FAF1: variants seen among roughly 807,000 people sequenced by gnomAD.
The protein encoded by FAF1 is Fas associated factor 1, also known as FAS-associated factor 1.
A neutral mutation model predicts 92.5 loss-of-function variants in FAF1; 25 were observed. The ratio of observed to expected loss-of-function variants is 0.27; its 90% CI spans 0.20 to 0.38. The LOEUF (loss-of-function observed/expected upper bound fraction) is 0.38, where lower values mean the gene tolerates loss of function less well. FAF1 is among the 10% of genes least tolerant of loss of function. FAF1 has a pLI of 1.00. For synonymous variants in FAF1, 234 were observed against 273.2 expected, an observed-to-expected ratio of 0.86 and a Z score of 1.42; for missense variants, 636 against 793.3, an observed-to-expected ratio of 0.80 and a Z score of 2.38.
chr1:50,873,447 C>T (rs921345860), intron 1 of FAF1, among the ~76,000 whole-genome samples: 10 of 152,126 alleles, frequency 6.6e-5, no homozygotes, highest in Non-Finnish European at 1.3e-4. Flanking sequence ...GAAATGTACA[C>T]GCCAGGCTTT....
chr1:50,809,366 C>T (rs1662332704), intron 2 of FAF1, among the ~76,000 whole-genome samples: 1 of 151,824 alleles, frequency 6.6e-6, no homozygotes, highest in Non-Finnish European at 1.5e-5. Context: ...TAATAACTAG[C>T]TAGACTAATG....
intron 1 of FAF1, among the ~76,000 whole-genome samples, chr1:50,917,629 GAAA>G (rs1570137956): frequency 9.8e-5 from 2 of 20,420 alleles, no homozygotes; most frequent in East Asian, 0.019. Context: ...AAGGAAAAAG[GAAA>G]GGAAAGGAAA....
At chr1:50,836,927 C>G (rs1191515824) in intron 2 of FAF1, among the ~76,000 whole-genome samples, 3 of 143,012 alleles carry the variant, frequency 2.1e-5, no homozygotes, top group Non-Finnish European at 3.0e-5. Context: ...TTCCAATTGT[C>G]TCTTACAAGT....
At chr1:50,630,222 T>C (rs1045417230) in intron 8 of FAF1, among the ~76,000 whole-genome samples, 4 of 152,192 alleles carry the variant, frequency 2.6e-5, no homozygotes, top group Admixed American at 1.3e-4. Flanking sequence ...TTTGGTTCCC[T>C]GGAGTCAAGT....
At chr1:50,558,662 G>A (rs1211098895) in intron 13 of FAF1, among the ~76,000 whole-genome samples, 1 of 152,180 alleles carries the variant, frequency 6.6e-6, no homozygotes, top group Non-Finnish European at 1.5e-5. Flanking sequence ...CTTTTGGAAT[G>A]GCTTGCCAAT....
At chr1:50,739,049 G>GT (rs550189314) in intron 5 of FAF1, 95 bp from the exon 6 acceptor site, 66 of 794,548 alleles carry the variant, frequency 8.3e-5, no homozygotes, top group East Asian at 1.1e-4. Flanking sequence ...TAATTTTGTA[G>GT]TTTTTTTTAT....
chr1:50,955,479 T>C (rs1244894485), intron 1 of FAF1, among the ~76,000 whole-genome samples: 1 of 152,268 alleles, frequency 6.6e-6, no homozygotes, highest in African/African-American at 2.4e-5. Context: ...TAAATTCATT[T>C]GCTCAGAGCT....
At chr1:50,624,746 T>C (rs1653411321) in intron 8 of FAF1, among the ~76,000 whole-genome samples, 1 of 152,204 alleles carries the variant, frequency 6.6e-6, no homozygotes, top group African/African-American at 2.4e-5. Context: ...ACTTTTCACA[T>C]ATATTCCCTT....
At chr1:50,526,191 G>A (rs184135356) in intron 15 of FAF1, among the ~76,000 whole-genome samples, 1 of 152,156 alleles carries the variant, frequency 6.6e-6, no homozygotes, top group East Asian at 1.9e-4. Context: ...ATAGGGTTTT[G>A]CCATGTTGCC....
chr1:50,737,000 TTA>T (rs1659167581), intron 6 of FAF1, among the ~76,000 whole-genome samples: 1 of 152,292 alleles, frequency 6.6e-6, no homozygotes, highest in African/African-American at 2.4e-5. Flanking sequence ...AGCTTTTAAG[TTA>T]TGTGTTAATA....
At position 50,482,303 on chromosome 1, in the gene FAF1, G is replaced by T. The variant is rs1299797015; in HGVS notation, c.1654-6624C>A. 2.0e-5 allele frequency among the ~76,000 whole-genome samples: 3 copies of T among 152,182 alleles called. 1 individual carries two copies. The highest frequency in any genetic ancestry group is 4.2e-4 in the South Asian group (2 of 4,816). On this transcript the variant is annotated intron_variant, in intron 17 of 18. Coordinates refer to ENST00000396153, the MANE Select transcript of FAF1 (RefSeq NM_007051.3). ...ATGTTGTTGAATATATCAGTAGTTT[G>T]TTTCTATTTATTGCTGAGTAGTATT...
intron 13 of FAF1, among the ~76,000 whole-genome samples, chr1:50,542,405 G>T (rs1426807816): frequency 6.6e-6 from 1 of 151,996 alleles, no homozygotes; most frequent in Non-Finnish European, 1.5e-5. Flanking sequence ...TTATGCACAG[G>T]GCTACCATTT....
At chr1:50,562,382 T>C (rs1461645152) in intron 13 of FAF1, among the ~76,000 whole-genome samples, 4 of 152,182 alleles carry the variant, frequency 2.6e-5, no homozygotes, top group African/African-American at 7.2e-5. Context: ...GCTAGCCAGC[T>C]CCCTCTATTC....
chr1:50,833,063 C>G (rs1304901892), intron 2 of FAF1, among the ~76,000 whole-genome samples: 2 of 151,990 alleles, frequency 1.3e-5, no homozygotes, highest in African/African-American at 4.8e-5. Flanking sequence ...CTTTAAAATT[C>G]TCCAATCCTC....
intron 15 of FAF1, among the ~76,000 whole-genome samples, chr1:50,508,614 AG>A (rs1033991656): frequency 3.7e-4 from 57 of 152,320 alleles, no homozygotes; most frequent in African/African-American, 7.7e-4. Flanking sequence ...CCTAATGGGT[AG>A]GGGGGTGATA....
chr1:50,947,886 A>G (rs901127759), intron 1 of FAF1, among the ~76,000 whole-genome samples: 1 of 152,246 alleles, frequency 6.6e-6, no homozygotes, highest in African/African-American at 2.4e-5. Flanking sequence ...CATTTGTACC[A>G]TAACAGCCTA....
At chr1:50,805,896 A>G (rs1662178373) in intron 2 of FAF1, among the ~76,000 whole-genome samples, 1 of 152,228 alleles carries the variant, frequency 6.6e-6, no homozygotes, top group Non-Finnish European at 1.5e-5. Flanking sequence ...AAAGTACATT[A>G]CATATATCAA....
At position 50,917,357 on chromosome 1, in the gene FAF1, G is replaced by C. The variant is rs373987580; in HGVS notation, c.45+42410C>G. ...TTAAAGAGGAAGCTGACTTCTGCTA[G>C]GGACTTTTTAATTCCGAGCAAGAAC... On this transcript the variant is annotated intron_variant, in intron 1 of 18. Coordinates refer to ENST00000396153, the MANE Select transcript of FAF1 (RefSeq NM_007051.3). Among the ~76,000 whole-genome samples, 9 of 152,194 alleles carry C rather than the reference G, an allele frequency of 5.9e-5. 1 individual carries two copies. Among genetic ancestry groups the C allele is most frequent in the African/African-American group, 2.2e-4 (9 of 41,538 alleles).
chr1:50,687,578 C>T (rs900373241), intron 7 of FAF1, among the ~76,000 whole-genome samples: 1 of 151,368 alleles, frequency 6.6e-6, no homozygotes, highest in African/African-American at 2.4e-5. Context: ...GGTGAAACCC[C>T]GTCTCTACTA....
Sources: gnomAD v4.1 joint callset for allele counts (sites outside exome capture counted in the v4.1 genomes callset) on GRCh38, gnomAD v4.1.1 for gene constraint, MANE v1.5 for transcripts, NCBI Gene and HGNC (gene_info 2026-07-23, HGNC 2026-07-21) for gene names.